TNFSF8: variants seen among roughly 807,000 people sequenced by gnomAD.
The protein encoded by TNFSF8 is TNF superfamily member 8.
A neutral mutation model predicts 22.0 loss-of-function variants in TNFSF8; 4 were observed. The observed-to-expected ratio is 0.18, with a 90% CI of 0.09 to 0.42. The LOEUF (loss-of-function observed/expected upper bound fraction) is 0.42, where lower values mean the gene tolerates loss of function less well. TNFSF8 is among the 10% of genes least tolerant of loss of function. The probability of loss-of-function intolerance (pLI) is 1.00; values close to 1 mark genes in which losing one functional copy is unlikely to be tolerated. For synonymous variants in TNFSF8, 106 were observed against 112.5 expected (o/e 0.94, Z 0.37); for missense variants, 233 against 281.8 (o/e 0.83, Z 1.24).
At chr9:114,916,573 T>C (rs922061852) in intron 2 of TNFSF8, among the ~76,000 whole-genome samples, 1 of 152,106 alleles carries the variant, frequency 6.6e-6, no homozygotes, top group Non-Finnish European at 1.5e-5. Context: ...AGGGGCAAGT[T>C]ATATTCACTC....
chr9:114,909,711 C>T (rs909375122), intron 2 of TNFSF8, among the ~76,000 whole-genome samples: 2 of 152,130 alleles, frequency 1.3e-5, no homozygotes, highest in African/African-American at 4.8e-5. Flanking sequence ...CCCAGCTGCA[C>T]CTGTCTATCT....
At chr9:114,904,441 C>T (rs1466715282) in intron 3 of TNFSF8, 116 bp from the exon 4 acceptor site, 7 of 1,398,600 alleles carry the variant, frequency 5.0e-6, no homozygotes, top group Non-Finnish European at 5.7e-6. Flanking sequence ...TGTAATGTTC[C>T]AATCATCTGA....
chr9:114,913,859 A>G (rs1287736170), intron 2 of TNFSF8, among the ~76,000 whole-genome samples: 1 of 152,220 alleles, frequency 6.6e-6, no homozygotes, highest in Non-Finnish European at 1.5e-5. Flanking sequence ...GCACATAGTG[A>G]TGCCTGTCAA....
downstream of TNFSF8, among the ~76,000 whole-genome samples, chr9:114,900,547 C>T (rs991258044): frequency 3.9e-5 from 6 of 152,222 alleles, no homozygotes; most frequent in African/African-American, 1.4e-4. Flanking sequence ...TCCAACCTTA[C>T]TTTGGACAGT....
Position 114,902,803 on chromosome 9 carries a change from C to T in TNFSF8, c.*1128G>A. On this transcript the variant is annotated 3_prime_UTR_variant, in exon 4 of 4. Coordinates refer to ENST00000223795, the MANE Select transcript of TNFSF8 (RefSeq NM_001244.4). ...AATTCAAACCCAGTCCTTTCATTTT[C>T]TAGACTTGGATCCTGAGTTCCAGGG... 3 of 971,036 alleles carry T rather than the reference C, an allele frequency of 3.1e-6. No individual in the cohort carries two copies. Among genetic ancestry groups the T allele is most frequent in the Non-Finnish European group, 3.7e-6 (3 of 816,826 alleles). The allele number at this position is 971,036 out of a possible 1,614,324, so 60.2% of individuals were successfully genotyped here.
chr9:114,929,358 T>C (rs1041001984), intron 1 of TNFSF8, among the ~76,000 whole-genome samples: 2 of 133,004 alleles, frequency 1.5e-5, no homozygotes, highest in African/African-American at 2.8e-5. Context: ...GTGCTGTTTC[T>C]TTTTTTTTTT....
chr9:114,914,116 G>C lies in TNFSF8; in HGVS notation c.238+3980C>G, dbSNP rs187517441. On this transcript the variant is annotated intron_variant, in intron 2 of 3. Coordinates refer to ENST00000223795, the MANE Select transcript of TNFSF8 (RefSeq NM_001244.4). ...GTTTATGAGGGAAGTGGAAAGTGGA[G>C]GGGAAATGGGAGAAGGACATTAAGA... Among the ~76,000 whole-genome samples the C allele has an allele frequency of 2.6e-5, 4 of 152,308 alleles. No individual in the cohort carries two copies. In the East Asian group the frequency reaches 7.7e-4, roughly 29 times the overall value.
chr9:114,922,634 A>T (rs904905456), intron 1 of TNFSF8, among the ~76,000 whole-genome samples: 10 of 152,162 alleles, frequency 6.6e-5, no homozygotes, highest in African/African-American at 2.4e-4. Context: ...GTCCTGCTAC[A>T]TTGCCTCTCT....
chr9:114,895,155 TA>T (rs1827643950), intron 4 of TNFSF8, among the ~76,000 whole-genome samples: 1 of 152,246 alleles, frequency 6.6e-6, no homozygotes, highest in South Asian at 2.1e-4. Context: ...CTGACTAGTT[TA>T]GCTGATATCC....
chr9:114,905,331 A>G (rs1243221279), intron 3 of TNFSF8, among the ~76,000 whole-genome samples: 4 of 152,240 alleles, frequency 2.6e-5, no homozygotes. Flanking sequence ...TACCTGAAGC[A>G]CACTGCAATA....
downstream of TNFSF8, among the ~76,000 whole-genome samples, chr9:114,899,948 G>A (rs551344386): frequency 6.6e-6 from 1 of 152,308 alleles, no homozygotes; most frequent in Admixed American, 6.5e-5. Context: ...CTAGGGGTGG[G>A]AGGTGTGCAA....
chr9:114,908,611 G>GA (rs1229943436), intron 2 of TNFSF8, among the ~76,000 whole-genome samples: 1 of 151,622 alleles, frequency 6.6e-6, no homozygotes, highest in Admixed American at 6.6e-5. Flanking sequence ...CCTTTGGGTT[G>GA]ACCTCAGTTG....
At chr9:114,925,194 T>C (rs1828042497) in intron 1 of TNFSF8, among the ~76,000 whole-genome samples, 1 of 152,166 alleles carries the variant, frequency 6.6e-6, no homozygotes, top group Non-Finnish European at 1.5e-5. Flanking sequence ...AATGATCTCA[T>C]GGCAGCAGGC....
chr9:114,930,137 G>A lies in TNFSF8; in HGVS notation c.167C>T (p.Thr56Ile), dbSNP rs770923739. 3.0e-5 allele frequency: 48 copies of A among 1,575,140 alleles called. No homozygotes were observed. The highest frequency in any genetic ancestry group is 4.0e-5 in the Non-Finnish European group (47 of 1,161,104). The change falls in exon 1 of 4, where the codon ACT becomes ATT. Residue 56 changes from threonine to isoleucine, a missense_variant. Physicochemically the swap from Thr to Ile is moderately conservative, Grantham distance 89 (BLOSUM62 -1). Transcript: ENST00000223795. ...CCTCTGAACGACCAACACCATAATA[G>A]TGGCCACCGTGAAGACAAGGCACAG... ...LALCLVFTVA[T>I]IMVLVVQRTD...
intron 4 of TNFSF8, among the ~76,000 whole-genome samples, chr9:114,894,549 C>T (rs1174918374): frequency 6.6e-6 from 1 of 152,158 alleles, no homozygotes; most frequent in East Asian, 1.9e-4. Context: ...CATCTTAGCT[C>T]TTCAGCTCAT....
downstream of TNFSF8, chr9:114,901,062 AGGTGG>A (rs1827710807): frequency 1.0e-5 from 10 of 984,610 alleles, no homozygotes; most frequent in Non-Finnish European, 1.2e-5. Context: ...TGTGGTGGGG[AGGTGG>A]GGTTCAGAGG....
At chr9:114,894,240 G>A (rs750189311) in intron 4 of TNFSF8, 6 of 1,274,040 alleles carry the variant, frequency 4.7e-6, no homozygotes, top group African/African-American at 1.5e-5. Flanking sequence ...TTGTTACTCA[G>A]AAGCCCACAG....
chr9:114,902,762 G>C lies in TNFSF8; in HGVS notation c.*1169C>G. ...TCCCAGGGTCTGGTCTTCTGAGATG[G>C]AAGAGGTTTTGAAGCAATTCAAACC... On this transcript the variant is annotated 3_prime_UTR_variant, in exon 4 of 4. Coordinates refer to ENST00000223795, the MANE Select transcript of TNFSF8 (RefSeq NM_001244.4). The C allele has an allele frequency of 6.1e-6, 6 of 985,412 alleles. No homozygotes were observed. The highest frequency in any genetic ancestry group is 6.0e-6 in the Non-Finnish European group (5 of 829,898). 61.0% of individuals were successfully genotyped at this position (985,412 alleles called of 1,614,324 possible). A position where few individuals can be genotyped will look rare whatever the true frequency, so the allele number is the denominator to read the frequency against.
intron 1 of TNFSF8, among the ~76,000 whole-genome samples, chr9:114,924,029 G>C (rs72756580): frequency 0.053 from 8,131 of 152,166 alleles, 338 homozygotes; most frequent in South Asian, 0.11. Flanking sequence ...TTAATACTAA[G>C]ACAAATCCAG....
Sources: gnomAD v4.1 joint callset for allele counts (sites outside exome capture counted in the v4.1 genomes callset) on GRCh38, gnomAD v4.1.1 for gene constraint, MANE v1.5 for transcripts, NCBI Gene and HGNC (gene_info 2026-07-23, HGNC 2026-07-21) for gene names.